Variants in DUOX2 observed in about 807,000 individuals in gnomAD.
DUOX2 encodes the protein NADH/NADPH thyroid oxidase p138-tox.
In DUOX2, 185 loss-of-function variants were observed where a neutral mutation model predicts 183.3. That is an observed-to-expected ratio of 1.01 (90% CI 0.90 to 1.14). The LOEUF is 1.14. Among genes scored for constraint, DUOX2 ranks in the 50% most tolerant of loss-of-function variants. The probability of loss-of-function intolerance (pLI) is 0.00; values close to 1 mark genes in which losing one functional copy is unlikely to be tolerated. For missense variants in DUOX2, 1,999 were observed against 2,022.9 expected, an observed-to-expected ratio of 0.99 and a Z score of 0.23; for synonymous variants, 788 against 812.4, an observed-to-expected ratio of 0.97 and a Z score of 0.51.
intron 20 of DUOX2, among the ~76,000 whole-genome samples, chr15:45,102,283 G>T (rs976493697): frequency 6.6e-5 from 10 of 152,204 alleles, no homozygotes; most frequent in African/African-American, 2.4e-4. Flanking sequence ...TCCAGGGTGT[G>T]CATGGCCCTC....
intron 29 of DUOX2, among the ~76,000 whole-genome samples, chr15:45,096,931 C>A (rs565723498): frequency 6.6e-6 from 1 of 152,272 alleles, no homozygotes; most frequent in African/African-American, 2.4e-5. Context: ...CCTGCACTTC[C>A]CCTGCACCCA....
At chr15:45,094,319 T>C (rs1175304118) in intron 33 of DUOX2, 47 bp from the exon 34 acceptor site, 1 of 1,613,398 alleles carries the variant, frequency 6.2e-7, no homozygotes, top group East Asian at 2.2e-5. Flanking sequence ...CTAAAGGTGC[T>C]CACTCTCCTT....
Position 45,107,850 on chromosome 15 carries a change from CAAAAA to C in DUOX2, c.1574+192_1574+196del, listed in dbSNP as rs36025213. 1.0e-4 allele frequency among the ~76,000 whole-genome samples: 5 copies of C among 48,856 alleles called. No individual in the cohort carries two copies. The East Asian group carries it at 2.2e-3, about 22-fold the overall frequency. The allele number at this position is 48,856 out of a possible 152,430, so 32.1% of individuals were successfully genotyped here. A position where few individuals can be genotyped will look rare whatever the true frequency, so the allele number is the denominator to read the frequency against. ...TGGGTGACAAAGCTAGACTCTGCCT[CAAAAA>C]AAAAAAAAAAAAAAAAAGAAAAAGA... On this transcript the variant is annotated intron_variant, in intron 13 of 33. Transcript: ENST00000389039.
intron 21 of DUOX2, 95 bp from the exon 22 acceptor site, chr15:45,101,369 TC>T: frequency 1.9e-6 from 2 of 1,071,676 alleles, no homozygotes; most frequent in Non-Finnish European, 2.8e-6. Flanking sequence ...GAAAGTCATG[TC>T]CAGATCTCTG....
In DUOX2 at chr15:45,108,031, C is replaced by A. The variant is rs750235842; in HGVS notation, c.1574+16G>T. The A allele has an allele frequency of 2.4e-5, 38 of 1,613,554 alleles. 4 individuals are homozygous for A. The South Asian group carries it at 4.2e-4, about 18-fold the overall frequency. On this transcript the variant is annotated intron_variant, in intron 13 of 33. Transcript: ENST00000389039. ...GCTGAGGAGCAGTCTGAGGTGGGGG[C>A]CCAGGCAAGCCTTACCCATTCCTGG...
chr15:45,106,565 C>T lies in DUOX2; in HGVS notation c.1908G>A (p.Glu636=). 1.2e-6 allele frequency: 2 copies of T among 1,614,216 alleles called. No homozygotes were observed. Among genetic ancestry groups the T allele is most frequent in the Non-Finnish European group, 8.5e-7 (1 of 1,180,034 alleles). The change falls in exon 16 of 34, where the codon GAG becomes GAA. Residue 636 remains glutamate (E), a synonymous_variant. Coordinates refer to ENST00000389039, the MANE Select transcript of DUOX2 (RefSeq NM_001363711.2). Reference sequence around the variant, plus strand: ...CTTTGGCTGCTTCCTTCTTCACGCTCTCTTTGAGTTTCTTTTGTAGCTTCT... The same window carrying T: ...CTTTGGCTGCTTCCTTCTTCACGCTTTCTTTGAGTTTCTTTTGTAGCTTCT... The part of the protein sequence containing the change: ...EHKKLQKKLK[E]SVKKEAAKDG...
In DUOX2 at chr15:45,108,908, C is replaced by G. The variant is rs922630727; in HGVS notation, c.1279G>C (p.Ala427Pro). The change falls in exon 12 of 34, where the codon GCC becomes CCC. Residue 427 changes from alanine to proline, a missense_variant. Physicochemically the swap from Ala to Pro is conservative, Grantham distance 27. Transcript: ENST00000389039. ...PGKFSRTDYV[A>P]SSIQRGRDMG... Reference sequence around the variant, plus strand: ...TCTCGGCCACGTTGGATGCTGCTGGCCACATAGTCTGTACGGGAGAATTTG... The same window carrying G: ...TCTCGGCCACGTTGGATGCTGCTGGGCACATAGTCTGTACGGGAGAATTTG... 6.8e-6 allele frequency: 11 copies of G among 1,614,242 alleles called. No individual in the cohort carries two copies. Among genetic ancestry groups the G allele is most frequent in the Non-Finnish European group, 9.3e-6 (11 of 1,180,052 alleles).
Position 45,094,031 on chromosome 15 carries a change from C to T in DUOX2, c.*119G>A. 1 of 1,365,496 alleles carries T rather than the reference C, an allele frequency of 7.3e-7. No homozygotes were observed. The highest frequency in any genetic ancestry group is 1.0e-6 in the Non-Finnish European group (1 of 959,024). The allele number at this position is 1,365,496 out of a possible 1,614,324, so 84.6% of individuals were successfully genotyped here. On this transcript the variant is annotated 3_prime_UTR_variant, in exon 34 of 34. Transcript: ENST00000389039. ...TCTCCCAATATTGGGAGGGGCTCTGCAGCCCTCCAGCTGAGGCCTAAGGTG... is the reference window on the plus strand; with the variant it reads ...TCTCCCAATATTGGGAGGGGCTCTGTAGCCCTCCAGCTGAGGCCTAAGGTG...
In DUOX2 at chr15:45,098,013, G is replaced by A; in HGVS notation, c.3561C>T (p.Val1187=). 1 of 1,614,106 alleles carries A rather than the reference G, an allele frequency of 6.2e-7. No individual in the cohort carries two copies. The highest frequency in any genetic ancestry group is 8.5e-7 in the Non-Finnish European group (1 of 1,179,966). Residue 1187 remains valine (V), a synonymous_variant, in exon 27 of 34, where the codon GTC becomes GTT. Transcript: ENST00000389039. ...CCCAGGTCCCACGTTTCCTACCTGG[G>A]ACGGTCTGGAAGAACCACCAATAGA... ...QKFYWWFFQT[V]PGMTGVLLLL...
At chr15:45,101,698 C>T in intron 21 of DUOX2, 95 bp downstream of exon 21, 1 of 1,543,040 alleles carries the variant, frequency 6.5e-7, no homozygotes, top group Non-Finnish European at 8.9e-7. Flanking sequence ...ACCAAGGACT[C>T]AGAAAAGAGT....
At chr15:45,095,655 A>G (rs1893881670) in intron 30 of DUOX2, 60 bp from the exon 31 acceptor site, 1 of 1,610,740 alleles carries the variant, frequency 6.2e-7, no homozygotes, top group Non-Finnish European at 8.5e-7. Context: ...GAGACCAGAA[A>G]CGGAGACACA....
intron 20 of DUOX2, 137 bp downstream of exon 20, chr15:45,103,823 G>T (rs985958699): frequency 2.2e-5 from 19 of 867,420 alleles, no homozygotes; most frequent in Admixed American, 3.9e-5. Flanking sequence ...TGCTCTGAGA[G>T]TTTAGGATGT....
Position 45,108,119 on chromosome 15 carries a change from C to T in DUOX2, c.1502G>A (p.Ser501Asn), listed in dbSNP as rs1894274087. 6.2e-7 allele frequency: 1 copy of T among 1,614,194 alleles called. No homozygotes were observed. The change falls in exon 13 of 34, where the codon AGT (serine) becomes AAT (asparagine). Residue 501 changes from serine (S) to asparagine (N), a missense_variant. Ser to Asn is a conservative substitution (Grantham distance 46, BLOSUM62 1). Coordinates refer to ENST00000389039, the MANE Select transcript of DUOX2 (RefSeq NM_001363711.2). ...ESHGDPGPLF[S>N]AIVLDQFVRL... ...TACAAACTGGTCGAGGACAATGGCACTGAACAGGGGTCCAGGGTCCCCATG... is the reference window on the plus strand; with the variant it reads ...TACAAACTGGTCGAGGACAATGGCATTGAACAGGGGTCCAGGGTCCCCATG...
chr15:45,111,937 T>C lies in DUOX2; in HGVS notation c.344A>G (p.Asp115Gly). 6.2e-7 allele frequency: 1 copy of C among 1,613,520 alleles called. No individual in the cohort carries two copies. Among genetic ancestry groups the C allele is most frequent in the Non-Finnish European group, 8.5e-7 (1 of 1,179,974 alleles). Residue 115 changes from aspartate (D) to glycine (G), a missense_variant, in exon 5 of 34, where the codon GAC becomes GGC. By Grantham distance (94) the Asp-to-Gly change is moderately conservative. This residue lies in a region of DUOX2 where 356 missense variants were observed against 356.4 expected (regional missense o/e 1.00). Transcript: ENST00000389039. ...ACCGGGCGTTTCCACGCTCACCACG[T>C]CGGAAAGAACATGGTAGCCTGCGGG... ...GVFFGYHVLSDVVSVETPGCP... is the reference protein window; with the variant it reads ...GVFFGYHVLSGVVSVETPGCP...
rs375243329 is a variant in DUOX2 at position 45,099,744 on chromosome 15, C to T, written c.3333G>A (p.Glu1111=). ...AAGGCACATAGCGGTTGAGGAAAGT[C>T]TCTCGCAGGAAGGTTATGAGGTTGC... is the stretch of plus-strand genomic sequence containing the variant. The part of the protein sequence containing the change: ...MCRNLITFLR[E]TFLNRYVPFD... The change falls in exon 25 of 34, where the codon GAG becomes GAA. Residue 1111 remains glutamate, a synonymous_variant. Transcript: ENST00000389039. 4 of 1,614,052 alleles carry T rather than the reference C, an allele frequency of 2.5e-6. No individual in the cohort carries two copies.
In DUOX2 at chr15:45,097,327, G is replaced by A. The variant is rs772669214; in HGVS notation, c.3758C>T (p.Pro1253Leu). 2.9e-5 allele frequency: 47 copies of A among 1,614,240 alleles called. No homozygotes were observed. The highest frequency in any genetic ancestry group is 9.3e-5 in the African/African-American group (7 of 75,062). The change falls in exon 29 of 34, where the codon CCG becomes CTG. Residue 1253 changes from proline to leucine, a missense_variant. Pro to Leu is a moderately conservative substitution (Grantham distance 98). Transcript: ENST00000389039. Reference sequence around the variant, plus strand: ...CTTGTCACCTCCATAGATGATTGCCGGGACCAGGAAGTAGATGTGGAAAGT... The same window carrying A: ...CTTGTCACCTCCATAGATGATTGCCAGGACCAGGAAGTAGATGTGGAAAGT... ...LPTFHIYFLV[P>L]AIIYGGDKLV... is the part of the protein sequence containing the mutation.
Position 45,099,751 on chromosome 15 carries a change from AG to A in DUOX2, c.3325del (p.Leu1109CysfsTer61), listed in dbSNP as rs769776374. On this transcript the variant is annotated frameshift_variant, in exon 25 of 34. Transcript: ENST00000389039. LOFTEE classifies it high-confidence loss of function. ...LTMCRNLITF[L>X]RETFLNRYVP... The stretch of plus-strand genomic sequence containing the variant: ...ATAGCGGTTGAGGAAAGTCTCTCGC[AG>A]GAAGGTTATGAGGTTGCGGCACATG... The A allele has an allele frequency of 1.9e-6, 3 of 1,614,094 alleles. No individual in the cohort carries two copies. Among genetic ancestry groups the A allele is most frequent in the Admixed American group, 1.7e-5 (1 of 59,996 alleles).
At position 45,099,227 on chromosome 15, in the gene DUOX2, G is replaced by T. The variant is rs1595520921; in HGVS notation, c.3515+156C>A. ...GGGTTTCACCGTGTTAGCCAGGATGGTCTCGATCTCCTGACCTCGTGATCC... is the reference window on the plus strand; with the variant it reads ...GGGTTTCACCGTGTTAGCCAGGATGTTCTCGATCTCCTGACCTCGTGATCC... On this transcript the variant is annotated intron_variant, in intron 26 of 33. Coordinates refer to ENST00000389039, the MANE Select transcript of DUOX2 (RefSeq NM_001363711.2). The T allele has an allele frequency of 9.8e-6, 6 of 613,280 alleles. 1 individual carries two copies. The East Asian group carries it at 2.0e-4, about 20-fold the overall frequency. The allele number at this position is 613,280 out of a possible 1,614,324, so 38.0% of individuals were successfully genotyped here. A position where few individuals can be genotyped will look rare whatever the true frequency, so the allele number is the denominator to read the frequency against.
Position 45,111,925 on chromosome 15 carries a change from A to C in DUOX2, c.356T>G (p.Val119Gly). 1 of 1,613,690 alleles carries C rather than the reference A, an allele frequency of 6.2e-7. No individual in the cohort carries two copies. The highest frequency in any genetic ancestry group is 8.5e-7 in the Non-Finnish European group (1 of 1,179,994). Reference sequence around the variant, plus strand: ...CTCGGCGGGGCAACCGGGCGTTTCCACGCTCACCACGTCGGAAAGAACATG... The same window carrying C: ...CTCGGCGGGGCAACCGGGCGTTTCCCCGCTCACCACGTCGGAAAGAACATG... ...GYHVLSDVVSVETPGCPAEFL... is the reference protein window; with the variant it reads ...GYHVLSDVVSGETPGCPAEFL... The change falls in exon 5 of 34, where the codon GTG (valine) becomes GGG (glycine). Residue 119 changes from valine (V) to glycine (G), a missense_variant. Val to Gly is a moderately radical substitution (Grantham distance 109). Around this residue, in one of 3 missense-constraint regions of DUOX2, gnomAD observed 356 missense variants for 356.4 expected, o/e 1.00. Transcript: ENST00000389039.
Sources: allele counts gnomAD v4.1 joint callset (sites outside exome capture counted in the v4.1 genomes callset), GRCh38; gene constraint gnomAD v4.1.1; regional missense constraint gnomAD v4.1.1; transcripts MANE v1.5; gene names NCBI Gene and HGNC (gene_info 2026-07-23, HGNC 2026-07-21).